SH3TC1: variants seen among roughly 807,000 people sequenced by gnomAD.
The protein encoded by SH3TC1 is SH3 domain and tetratricopeptide repeats 1.
SH3TC1 carries 135 observed loss-of-function variants against 117.3 expected under a neutral mutation model. That is an observed-to-expected ratio of 1.15 (90% CI 1.00 to 1.33). SH3TC1 has a LOEUF of 1.33. Among genes scored for constraint, SH3TC1 ranks in the 40% most tolerant of loss-of-function variants. The pLI is 0.00. For missense variants in SH3TC1, 2,092 were observed against 1,794.3 expected, an observed-to-expected ratio of 1.17 and a Z score of -3.00; for synonymous variants, 898 against 816.9, an observed-to-expected ratio of 1.10 and a Z score of -1.69.
In SH3TC1 at chr4:8,212,821, T is replaced by C; in HGVS notation, c.368T>C (p.Val123Ala). Residue 123 changes from valine (V) to alanine (A), a missense_variant, in exon 4 of 18, where the codon GTG becomes GCG. By Grantham distance (64) the Val-to-Ala change is moderately conservative (BLOSUM62 0). Transcript: ENST00000245105. ...LENDSREMAR[V>A]LGELSARLLS... ...AATGATAGCCGGGAGATGGCCCGCG[T>C]GCTTGGGGTGAGTAGCCCTCTGGGG... 1 of 1,580,002 alleles carries C rather than the reference T, an allele frequency of 6.3e-7. No homozygotes were observed.
Position 8,205,669 on chromosome 4 carries a change from C to G in SH3TC1, c.172+303C>G, listed in dbSNP as rs748240201. 1 of 756,738 alleles carries G rather than the reference C, an allele frequency of 1.3e-6. No homozygotes were observed. Among genetic ancestry groups the G allele is most frequent in the African/African-American group, 1.7e-5 (1 of 59,072 alleles). 46.9% of individuals were successfully genotyped at this position (756,738 alleles called of 1,614,324 possible). Reference sequence around the variant, plus strand: ...GAACCCCCATGTTCAGAGACCGTTCCAGAAACAGTCCGATGGGTTTGGCCT... The same window carrying G: ...GAACCCCCATGTTCAGAGACCGTTCGAGAAACAGTCCGATGGGTTTGGCCT... On this transcript the variant is annotated intron_variant, in intron 2 of 17. Coordinates refer to ENST00000245105, the MANE Select transcript of SH3TC1 (RefSeq NM_018986.5). The surrounding 1 kb of genome is among the most constrained non-coding windows in gnomAD (Gnocchi z 5.4).
At chr4:8,238,149 C>T (rs1045315966) in intron 17 of SH3TC1, among the ~76,000 whole-genome samples, 1 of 152,174 alleles carries the variant, frequency 6.6e-6, no homozygotes, top group African/African-American at 2.4e-5. Flanking sequence ...CACTGAGCAA[C>T]TCCTTCCTGG....
chr4:8,196,841 G>T (rs1717569372), upstream of SH3TC1, among the ~76,000 whole-genome samples: 1 of 152,140 alleles, frequency 6.6e-6, no homozygotes. This position sits in a 1 kb window ranked among gnomAD's most constrained non-coding sequence, Gnocchi z 4.6. Context: ...CATCCCCAAG[G>T]CCCAAGGAGG....
chr4:8,230,026 G>T (rs1022635745), intron 12 of SH3TC1, among the ~76,000 whole-genome samples: 1 of 142,320 alleles, frequency 7.0e-6, no homozygotes, highest in South Asian at 2.2e-4. Flanking sequence ...GGGGCCAGGG[G>T]ACGAGGATCA....
chr4:8,192,605 C>T lies in SH3TC1; in HGVS notation c.-57+10395C>T, dbSNP rs974860397. 8.6e-5 allele frequency among the ~76,000 whole-genome samples: 13 copies of T among 151,928 alleles called. No homozygotes were observed. The highest frequency in any genetic ancestry group is 3.1e-4 in the African/African-American group (13 of 41,348). Reference sequence around the variant, plus strand: ...GCCTACTGGGTTCAAGCAATTCTCCCGCCTCAGCCTCCTGAGTAGCTGGGA... The same window carrying T: ...GCCTACTGGGTTCAAGCAATTCTCCTGCCTCAGCCTCCTGAGTAGCTGGGA... On this transcript the variant is annotated intron_variant, in intron 1 of 16. Coordinates refer to the SH3TC1 transcript ENST00000508641. This position sits in a 1 kb window ranked among gnomAD's most constrained non-coding sequence, Gnocchi z 4.1.
intron 6 of SH3TC1, 74 bp from the exon 7 acceptor site, chr4:8,216,883 C>T: frequency 6.7e-7 from 1 of 1,487,146 alleles, no homozygotes; most frequent in Non-Finnish European, 9.4e-7. Flanking sequence ...GTCTGTCCGG[C>T]AGGGGTGTGG....
chr4:8,227,473 C>T lies in SH3TC1; in HGVS notation c.1779C>T (p.Ser593=), dbSNP rs1720591667. Residue 593 remains serine, a synonymous_variant, in exon 12 of 18, where the codon AGC becomes AGT. Coordinates refer to ENST00000245105, the MANE Select transcript of SH3TC1 (RefSeq NM_018986.5). ...AAGCGCTGGGGGCCCTGGAGGGCAGCTTCGGGGACCTGTTCCTAGTGGTGG... is the reference window on the plus strand; with the variant it reads ...AAGCGCTGGGGGCCCTGGAGGGCAGTTTCGGGGACCTGTTCCTAGTGGTGG... The part of the protein sequence containing the change: ...FEEALGALEG[S]FGDLFLVVAV... 6.4e-7 allele frequency: 1 copy of T among 1,564,976 alleles called. No individual in the cohort carries two copies. Among genetic ancestry groups the T allele is most frequent in the Non-Finnish European group, 8.6e-7 (1 of 1,160,968 alleles).
At chr4:8,193,991 G>T (rs1030873808) in intron 1 of SH3TC1, among the ~76,000 whole-genome samples, 1 of 152,220 alleles carries the variant, frequency 6.6e-6, no homozygotes, top group Admixed American at 6.5e-5. Flanking sequence ...GCTGAAAAAC[G>T]CAAAGACAAA....
At chr4:8,214,025 C>CA (rs1295913743) in intron 4 of SH3TC1, among the ~76,000 whole-genome samples, 1 of 152,194 alleles carries the variant, frequency 6.6e-6, no homozygotes, top group East Asian at 1.9e-4. Flanking sequence ...ATGCCCCTAT[C>CA]AACACTGATT....
intron 13 of SH3TC1, chr4:8,232,650 C>A: frequency 7.7e-7 from 1 of 1,298,380 alleles, no homozygotes; most frequent in South Asian, 1.2e-5. Flanking sequence ...CCACTTGGCT[C>A]TCCTGGAGCA....
At chr4:8,235,662 C>T (rs968593597) in intron 15 of SH3TC1, 107 bp downstream of exon 15, 2 of 1,392,366 alleles carry the variant, frequency 1.4e-6, no homozygotes, top group African/African-American at 2.9e-5. Context: ...GCAGGGCCGC[C>T]CATGCACATG....
intron 13 of SH3TC1, chr4:8,232,588 GT>G (rs1721343053): frequency 7.4e-7 from 1 of 1,354,160 alleles, no homozygotes; most frequent in African/African-American, 1.5e-5. Flanking sequence ...AGCCAGTTGT[GT>G]CACCTGCTTC....
intron 1 of SH3TC1, among the ~76,000 whole-genome samples, chr4:8,193,060 C>T (rs1717463739): frequency 6.6e-6 from 1 of 152,244 alleles, no homozygotes; most frequent in African/African-American, 2.4e-5. Context: ...CACACCTGTT[C>T]ACTTACTGCT....
chr4:8,218,593 C>T (rs570144613), intron 8 of SH3TC1, among the ~76,000 whole-genome samples: 1 of 152,200 alleles, frequency 6.6e-6, no homozygotes, highest in African/African-American at 2.4e-5. Flanking sequence ...GCTGGTGCAG[C>T]GTCATAGGAT....
intron 2 of SH3TC1, among the ~76,000 whole-genome samples, chr4:8,208,603 T>G (rs1718398848): frequency 6.6e-6 from 1 of 152,212 alleles, no homozygotes; most frequent in Non-Finnish European, 1.5e-5. Context: ...TCCACCTGTC[T>G]GAGCCTCCTA....
intron 17 of SH3TC1, among the ~76,000 whole-genome samples, chr4:8,239,021 G>A (rs992994669): frequency 6.6e-6 from 1 of 152,150 alleles, no homozygotes; most frequent in Non-Finnish European, 1.5e-5. Flanking sequence ...GGCCCAGAGA[G>A]GTGGCAGAGA....
At chr4:8,237,720 G>A (rs1215373109) in intron 17 of SH3TC1, 50 bp downstream of exon 17, 1 of 1,530,966 alleles carries the variant, frequency 6.5e-7, no homozygotes, top group Admixed American at 1.9e-5. Context: ...CCTTGGAGTG[G>A]GATCTCCACC....
chr4:8,214,630 G>C (rs756935183), intron 5 of SH3TC1, 50 bp downstream of exon 5: 2 of 1,429,938 alleles, frequency 1.4e-6, no homozygotes, highest in Non-Finnish European at 9.8e-7. Flanking sequence ...CCGTCGGAAG[G>C]TGCTGGTTAC....
At chr4:8,199,842 C>T (rs1578644088) in intron 1 of SH3TC1, among the ~76,000 whole-genome samples, 1 of 152,318 alleles carries the variant, frequency 6.6e-6, no homozygotes, top group Non-Finnish European at 1.5e-5. Context: ...GCGCCTCAGC[C>T]TCACCCGGCA....
Sources: gnomAD v4.1 joint callset for allele counts (sites outside exome capture counted in the v4.1 genomes callset) on GRCh38, gnomAD v4.1.1 for gene constraint, Gnocchi (gnomAD v3.1) non-coding constraint, MANE v1.5 for transcripts, NCBI Gene and HGNC (gene_info 2026-07-23, HGNC 2026-07-21) for gene names.